Variants in ITM2C observed in about 807,000 individuals in gnomAD.
The protein encoded by ITM2C is integral membrane protein 2C, also known as BRICHOS domain containing 2C.
A neutral mutation model predicts 30.0 loss-of-function variants in ITM2C; 20 were observed. That is an observed-to-expected ratio of 0.67 (90% CI 0.47 to 0.97). The LOEUF is 0.97. Ranked by LOEUF, ITM2C falls within the 50% of genes least tolerant of loss-of-function variation. The pLI, the probability that ITM2C is intolerant of heterozygous loss-of-function variation, is 0.00. For synonymous variants in ITM2C, 167 were observed against 156.4 expected (o/e 1.07, Z -0.51); for missense variants, 366 against 371.9 (o/e 0.98, Z 0.13).
chr2:230,875,345 A>G (rs1478310617), intron 2 of ITM2C, among the ~76,000 whole-genome samples: 1 of 152,050 alleles, frequency 6.6e-6, no homozygotes, highest in East Asian at 1.9e-4. Flanking sequence ...GCCACCTAGA[A>G]CCTGGCAGAC....
chr2:230,865,845 C>T lies in ITM2C; in HGVS notation c.120+700C>T, dbSNP rs73096759. On this transcript the variant is annotated intron_variant, in intron 1 of 5. Transcript: ENST00000326427. This position sits in a 1 kb window ranked among gnomAD's most constrained non-coding sequence, Gnocchi z 6.8. ...CCTGCCGTCTGGGCCTCCCTGCTCCCCTCTCTTTTCTCCATTCCCAGCCTC... is the reference window on the plus strand; with the variant it reads ...CCTGCCGTCTGGGCCTCCCTGCTCCTCTCTCTTTTCTCCATTCCCAGCCTC... 13,116 of 152,438 alleles carry T rather than the reference C, an allele frequency of 0.086. 778 individuals are homozygous for T. The highest frequency in any genetic ancestry group is 0.17 in the African/African-American group (7,067 of 41,538). 9.4% of individuals were successfully genotyped at this position (152,438 alleles called of 1,614,324 possible). A position where few individuals can be genotyped will look rare whatever the true frequency, so the allele number is the denominator to read the frequency against.
At position 230,878,826 on chromosome 2, in the gene ITM2C, G is replaced by A; in HGVS notation, c.*727G>A. The A allele has an allele frequency of 6.5e-6, 1 of 153,846 alleles. No individual in the cohort carries two copies. The highest frequency in any genetic ancestry group is 1.4e-5 in the Non-Finnish European group (1 of 69,104). The allele number at this position is 153,846 out of a possible 1,614,324, so 9.5% of individuals were successfully genotyped here. A position where few individuals can be genotyped will look rare whatever the true frequency, so the allele number is the denominator to read the frequency against. ...GCAGGGTCCCCTCAGTCAAGGCAGT[G>A]GGATGGGCGGCTGAGGAACGGGGCA... On this transcript the variant is annotated 3_prime_UTR_variant, in exon 6 of 6. Transcript: ENST00000326427. This position sits in a 1 kb window ranked among gnomAD's most constrained non-coding sequence, Gnocchi z 4.5.
Position 230,865,169 on chromosome 2 carries a change from G to A in ITM2C, c.120+24G>A, listed in dbSNP as rs1696995238. ...GGGTGAGAGGGTCTGGGGCTCAGGC[G>A]GTGGGGCGGGGGACCCAGGCTCACG... On this transcript the variant is annotated intron_variant, in intron 1 of 5. Coordinates refer to ENST00000326427, the MANE Select transcript of ITM2C (RefSeq NM_030926.6). The surrounding 1 kb of genome is among the most constrained non-coding windows in gnomAD (Gnocchi z 6.8). 2 of 1,398,970 alleles carry A rather than the reference G, an allele frequency of 1.4e-6. No homozygotes were observed. Among genetic ancestry groups the A allele is most frequent in the Admixed American group, 2.6e-5 (1 of 38,016 alleles). 86.7% of individuals were successfully genotyped at this position (1,398,970 alleles called of 1,614,324 possible).
chr2:230,872,710 G>T lies in ITM2C; in HGVS notation c.121-707G>T, dbSNP rs570240825. ...CCTGCTTGACTGCCGGTCGGTGCCT[G>T]TGGGGGGCCAGTGTGGATCACAGGC... On this transcript the variant is annotated intron_variant, in intron 1 of 5. Transcript: ENST00000326427. 1.1e-3 allele frequency among the ~76,000 whole-genome samples: 172 copies of T among 152,258 alleles called. 1 individual carries two copies. Among genetic ancestry groups the T allele is most frequent in the Non-Finnish European group, 2.2e-4 (15 of 68,016 alleles).
rs1697270195 is a variant in ITM2C at position 230,875,556 on chromosome 2, G to A, written c.262-64G>A. On this transcript the variant is annotated intron_variant, in intron 2 of 5. Coordinates refer to ENST00000326427, the MANE Select transcript of ITM2C (RefSeq NM_030926.6). ...GTAGCGGACGGGTAGGCAAGAGGGG[G>A]CCTTACGGAGTGCGTGTATGACCAG... The A allele has an allele frequency of 2.6e-5, 37 of 1,424,958 alleles. No homozygotes were observed. The South Asian group carries it at 4.4e-4, about 17-fold the overall frequency. The allele number at this position is 1,424,958 out of a possible 1,614,324, so 88.3% of individuals were successfully genotyped here.
chr2:230,873,587 C>T (rs768489143), intron 2 of ITM2C, 30 bp downstream of exon 2: 1 of 1,580,822 alleles, frequency 6.3e-7, no homozygotes, highest in African/African-American at 1.4e-5. Flanking sequence ...AGGGGCAAGG[C>T]CTCGAGAAAG....
Position 230,877,300 on chromosome 2 carries a change from C to A in ITM2C, c.562-100C>A, listed in dbSNP as rs751764016. The A allele has an allele frequency of 1.3e-4, 165 of 1,275,764 alleles. No individual in the cohort carries two copies. Among genetic ancestry groups the A allele is most frequent in the Non-Finnish European group, 1.8e-4 (162 of 898,316 alleles). The allele number at this position is 1,275,764 out of a possible 1,614,324, so 79.0% of individuals were successfully genotyped here. On this transcript the variant is annotated intron_variant, in intron 4 of 5. Coordinates refer to ENST00000326427, the MANE Select transcript of ITM2C (RefSeq NM_030926.6). This position sits in a 1 kb window ranked among gnomAD's most constrained non-coding sequence, Gnocchi z 4.8. ...CCTGAGGACATCAGAAGGGCCAGCC[C>A]AGGGGCCTCTGGAGGAGGGAGGTGG...
rs760753004 is a variant in ITM2C at position 230,877,015 on chromosome 2, G to A, written c.561+48G>A. ...GTCTGCAGCATCCTGTCCCTCCCTT[G>A]CCCCCTGTCTCATGGAGGCTAGGTC... On this transcript the variant is annotated intron_variant, in intron 4 of 5. Coordinates refer to ENST00000326427, the MANE Select transcript of ITM2C (RefSeq NM_030926.6). This position sits in a 1 kb window ranked among gnomAD's most constrained non-coding sequence, Gnocchi z 4.8. 6 of 1,289,476 alleles carry A rather than the reference G, an allele frequency of 4.7e-6. No individual in the cohort carries two copies. Among genetic ancestry groups the A allele is most frequent in the Non-Finnish European group, 6.8e-6 (6 of 886,928 alleles). The allele number at this position is 1,289,476 out of a possible 1,614,324, so 79.9% of individuals were successfully genotyped here.
intron 3 of ITM2C, among the ~76,000 whole-genome samples, chr2:230,876,050 G>A (rs10933359): frequency 0.39 from 58,126 of 150,158 alleles, 13,674 homozygotes; most frequent in East Asian, 0.82. Flanking sequence ...TCATGGCAGG[G>A]CCAGTGCGTT....
At chr2:230,866,603 C>T (rs559103115) in intron 1 of ITM2C, among the ~76,000 whole-genome samples, 1 of 151,980 alleles carries the variant, frequency 6.6e-6, no homozygotes, top group Non-Finnish European at 1.5e-5. Context: ...GCAGCTCCCC[C>T]CTTTTCATCT....
intron 2 of ITM2C, among the ~76,000 whole-genome samples, chr2:230,874,507 G>A (rs1034703430): frequency 2.0e-5 from 3 of 151,908 alleles, no homozygotes; most frequent in Admixed American, 6.6e-5. Context: ...TTCCACCCTC[G>A]ACTCACACCC....
chr2:230,877,688 C>T lies in ITM2C; in HGVS notation c.712+138C>T, dbSNP rs748573275. The T allele has an allele frequency of 9.1e-6, 8 of 879,716 alleles. No homozygotes were observed. The highest frequency in any genetic ancestry group is 3.3e-5 in the African/African-American group (2 of 59,880). The allele number at this position is 879,716 out of a possible 1,614,324, so 54.5% of individuals were successfully genotyped here. On this transcript the variant is annotated intron_variant, in intron 5 of 5. Transcript: ENST00000326427. This position sits in a 1 kb window ranked among gnomAD's most constrained non-coding sequence, Gnocchi z 4.8. ...GCATTAGCAGAGCACTTCCGTGTGC[C>T]GGGCAATGCTGTGTGCTCTTTATGA...
intron 1 of ITM2C, among the ~76,000 whole-genome samples, chr2:230,872,343 C>G (rs912744412): frequency 1.3e-5 from 2 of 152,264 alleles, no homozygotes. Context: ...AGCAAGGGCC[C>G]GGGGGAAGGC....
At chr2:230,874,337 C>G (rs1697237805) in intron 2 of ITM2C, among the ~76,000 whole-genome samples, 1 of 152,040 alleles carries the variant, frequency 6.6e-6, no homozygotes, top group Non-Finnish European at 1.5e-5. Context: ...TCACATACAC[C>G]CATCACCTTC....
intron 2 of ITM2C, 51 bp downstream of exon 2, chr2:230,873,608 A>G (rs753190969): frequency 7.2e-6 from 11 of 1,530,132 alleles, no homozygotes; most frequent in African/African-American, 6.9e-5. Flanking sequence ...GGTCATGTCT[A>G]GAGAGGCATG....
At position 230,877,951 on chromosome 2, in the gene ITM2C, G is replaced by T; in HGVS notation, c.713-57G>T. The stretch of plus-strand genomic sequence containing the variant: ...CCTGTGGCTCAGGCTGAGGCTGGTG[G>T]TCTTTGTGACTCAGCCAGGATGCAG... On this transcript the variant is annotated intron_variant, in intron 5 of 5. Coordinates refer to ENST00000326427, the MANE Select transcript of ITM2C (RefSeq NM_030926.6). The surrounding 1 kb of genome is among the most constrained non-coding windows in gnomAD (Gnocchi z 4.8). The T allele has an allele frequency of 7.1e-7, 1 of 1,404,554 alleles. No individual in the cohort carries two copies. The highest frequency in any genetic ancestry group is 1.0e-6 in the Non-Finnish European group (1 of 991,352). 87.0% of individuals were successfully genotyped at this position (1,404,554 alleles called of 1,614,324 possible). A position where few individuals can be genotyped will look rare whatever the true frequency, so the allele number is the denominator to read the frequency against.
At position 230,865,123 on chromosome 2, in the gene ITM2C, A is replaced by C. The variant is rs1230965066; in HGVS notation, c.98A>C (p.Glu33Ala). 6.7e-7 allele frequency: 1 copy of C among 1,498,014 alleles called. No homozygotes were observed. Among genetic ancestry groups the C allele is most frequent in the Admixed American group, 2.0e-5 (1 of 48,810 alleles). The allele number at this position is 1,498,014 out of a possible 1,614,324, so 92.8% of individuals were successfully genotyped here. The change falls in exon 1 of 6, where the codon GAG (glutamate) becomes GCG (alanine). Residue 33 changes from glutamate (E) to alanine (A), a missense_variant. Glu to Ala is a moderately radical substitution (Grantham distance 107). Coordinates refer to ENST00000326427, the MANE Select transcript of ITM2C (RefSeq NM_030926.6). The surrounding 1 kb of genome is among the most constrained non-coding windows in gnomAD (Gnocchi z 6.8). ...GCCCCTGCGCCGGCCTCGGCCACCG[A>C]GATCCTGCTGACGCCGGCTAGGGTG... ...ASAPAPASAT[E>A]ILLTPAREEQ...
chr2:230,869,323 C>T (rs571368975), intron 1 of ITM2C, among the ~76,000 whole-genome samples: 20 of 152,220 alleles, frequency 1.3e-4, no homozygotes, highest in Non-Finnish European at 2.4e-4. Flanking sequence ...GTGATGGGGA[C>T]CCCTGACCCT....
At chr2:230,872,258 CACGGAGGA>C (rs147321828) in intron 1 of ITM2C, among the ~76,000 whole-genome samples, 3,242 of 152,302 alleles carry the variant, frequency 0.021, 117 homozygotes, top group African/African-American at 0.074. Flanking sequence ...ATGTGGACAC[CACGGAGGA>C]AGGATTAAAT....
Sources: allele counts gnomAD v4.1 joint callset (sites outside exome capture counted in the v4.1 genomes callset), GRCh38; gene constraint gnomAD v4.1.1; non-coding constraint Gnocchi (gnomAD v3.1); transcripts MANE v1.5; gene names NCBI Gene and HGNC (gene_info 2026-07-23, HGNC 2026-07-21).